PKP4: variants seen among roughly 807,000 people sequenced by gnomAD.
PKP4 encodes plakophilin 4, also known as plakophilin-4.
A neutral mutation model predicts 145.1 loss-of-function variants in PKP4; 90 were observed. The observed-to-expected ratio is 0.62, with a 90% confidence interval of 0.52 to 0.74. The LOEUF (loss-of-function observed/expected upper bound fraction) is 0.74, where lower values mean the gene tolerates loss of function less well. Ranked by LOEUF, PKP4 falls within the 30% of genes least tolerant of loss-of-function variation. The probability of loss-of-function intolerance (pLI) is 0.00; values close to 1 mark genes in which losing one functional copy is unlikely to be tolerated. For synonymous variants in PKP4, 563 were observed against 577.2 expected (o/e 0.98, Z 0.35); for missense variants, 1,340 against 1,482.7 (o/e 0.90, Z 1.58).
At chr2:158,562,684 A>G (rs1171481618) in intron 2 of PKP4, among the ~76,000 whole-genome samples, 4 of 152,222 alleles carry the variant, frequency 2.6e-5, no homozygotes, top group African/African-American at 9.6e-5. Flanking sequence ...TGTTTAAAAT[A>G]TCATGTCTAC....
intron 2 of PKP4, among the ~76,000 whole-genome samples, chr2:158,576,046 A>G (rs906922069): frequency 6.6e-6 from 1 of 152,200 alleles, no homozygotes; most frequent in African/African-American, 2.4e-5. Flanking sequence ...GGCCCTGTCC[A>G]ATACTGCCAC....
chr2:158,463,963 C>T (rs1021266523), intron 1 of PKP4, among the ~76,000 whole-genome samples: 15 of 152,172 alleles, frequency 9.9e-5, no homozygotes, highest in Non-Finnish European at 1.8e-4. Flanking sequence ...AGCAGTGAGC[C>T]TTTATGGAGC....
intron 7 of PKP4, among the ~76,000 whole-genome samples, chr2:158,631,282 G>A (rs760875658): frequency 5.3e-5 from 8 of 152,096 alleles, no homozygotes; most frequent in South Asian, 2.1e-4. Flanking sequence ...TACTTTTCAC[G>A]TGTGGCATTT....
At chr2:158,533,159 C>T in intron 1 of PKP4, 21 bp from the exon 2 acceptor site, 1 of 1,598,696 alleles carries the variant, frequency 6.3e-7, no homozygotes, top group Non-Finnish European at 8.5e-7. Context: ...AAGTGTTAAC[C>T]CTTTGCCTGC....
chr2:158,595,450 C>T (rs941569875), intron 3 of PKP4, among the ~76,000 whole-genome samples: 3 of 152,048 alleles, frequency 2.0e-5, no homozygotes, highest in South Asian at 2.1e-4. Flanking sequence ...ATTCAAAAAG[C>T]GGTATTCTCA....
At chr2:158,544,275 C>T (rs2044770679) in intron 2 of PKP4, among the ~76,000 whole-genome samples, 1 of 152,032 alleles carries the variant, frequency 6.6e-6, no homozygotes. Context: ...ATAGGGGCAT[C>T]GTAAGACTCA....
chr2:158,662,458 C>T (rs2056684714), intron 13 of PKP4: 1 of 155,236 alleles, frequency 6.4e-6, no homozygotes, highest in South Asian at 2.0e-4. Flanking sequence ...CTGAACATGG[C>T]TCAAAAGGAG....
chr2:158,595,480 C>G (rs1214918767), intron 3 of PKP4, among the ~76,000 whole-genome samples: 1 of 152,062 alleles, frequency 6.6e-6, no homozygotes, highest in African/African-American at 2.4e-5. Context: ...CACGAGCACT[C>G]AAGAAAGCTA....
chr2:158,585,022 A>G (rs1056358037), intron 3 of PKP4, among the ~76,000 whole-genome samples: 1 of 152,218 alleles, frequency 6.6e-6, no homozygotes, highest in Admixed American at 6.5e-5. Context: ...TAAAAAATAT[A>G]TATTTAAAAA....
chr2:158,599,127 A>C (rs2105840511), intron 3 of PKP4, among the ~76,000 whole-genome samples: 1 of 152,374 alleles, frequency 6.6e-6, no homozygotes, highest in East Asian at 1.9e-4. Context: ...TAGCAGCAGA[A>C]GAATGACATC....
intron 3 of PKP4, among the ~76,000 whole-genome samples, chr2:158,589,251 G>A (rs192653759): frequency 2.6e-5 from 4 of 152,178 alleles, no homozygotes; most frequent in Non-Finnish European, 1.5e-5. Flanking sequence ...TGGTCTTGGC[G>A]GTGGTGGTGT....
At chr2:158,639,330 G>C (rs902999222) in intron 9 of PKP4, among the ~76,000 whole-genome samples, 4 of 151,876 alleles carry the variant, frequency 2.6e-5, no homozygotes, top group African/African-American at 9.7e-5. Context: ...GGGTGTGTGT[G>C]TGTGTGTGTG....
intron 1 of PKP4, among the ~76,000 whole-genome samples, chr2:158,485,530 A>C (rs924672585): frequency 6.6e-6 from 1 of 152,162 alleles, no homozygotes; most frequent in African/African-American, 2.4e-5. Context: ...AGCTGCATGA[A>C]CCGTGCATGT....
rs113178253 is a variant in PKP4, at chr2:158,541,479, G to A, written c.132+8163G>A. 1.4e-3 allele frequency among the ~76,000 whole-genome samples: 207 copies of A among 152,148 alleles called. 1 individual carries two copies. The highest frequency in any genetic ancestry group is 4.8e-3 in the African/African-American group (199 of 41,520). ...CTTATAGAATCTTAAGAGTTTTTAT[G>A]TACCCAAACCTTAATAATGTAGGAG... On this transcript the variant is annotated intron_variant, in intron 2 of 21. Transcript: ENST00000389759.
intron 2 of PKP4, among the ~76,000 whole-genome samples, chr2:158,560,316 C>T (rs1452648033): frequency 6.6e-6 from 1 of 152,138 alleles, no homozygotes; most frequent in African/African-American, 2.4e-5. Context: ...AAAGGAACCA[C>T]TATTTTTCTC....
At chr2:158,489,146 CA>C (rs1162406423) in intron 1 of PKP4, among the ~76,000 whole-genome samples, 8 of 152,044 alleles carry the variant, frequency 5.3e-5, no homozygotes, top group Non-Finnish European at 1.0e-4. Flanking sequence ...CATCCACATA[CA>C]GTAGAGTCAT....
intron 1 of PKP4, among the ~76,000 whole-genome samples, chr2:158,466,110 A>G (rs1206187801): frequency 6.6e-6 from 1 of 152,202 alleles, no homozygotes; most frequent in Non-Finnish European, 1.5e-5. Flanking sequence ...AAGCTACTCA[A>G]CAGCAGGGAC....
chr2:158,596,963 CCTT>C (rs1321455558), intron 3 of PKP4, among the ~76,000 whole-genome samples: 3 of 152,140 alleles, frequency 2.0e-5, no homozygotes, highest in African/African-American at 7.2e-5. Context: ...TACCAGTTGA[CCTT>C]CTTTTCATAG....
chr2:158,496,344 A>T (rs1695711199), intron 1 of PKP4, among the ~76,000 whole-genome samples: 1 of 152,140 alleles, frequency 6.6e-6, no homozygotes, highest in Non-Finnish European at 1.5e-5. Context: ...ATGCCATGTT[A>T]TATTTTCTTT....
Sources: gnomAD v4.1 joint callset for allele counts (sites outside exome capture counted in the v4.1 genomes callset) on GRCh38, gnomAD v4.1.1 for gene constraint, MANE v1.5 for transcripts, NCBI Gene and HGNC (gene_info 2026-07-23, HGNC 2026-07-21) for gene names.